Variants in MALRD1 observed in about 807,000 individuals in gnomAD.
The protein encoded by MALRD1 is MAM and LDL receptor class A domain containing 1, also known as MAM and LDL-receptor class A domain-containing protein 1.
Under a neutral mutation model 242.1 loss-of-function variants are expected in MALRD1, and 247 were observed. The ratio of observed to expected loss-of-function variants is 1.02; its 90% confidence interval spans 0.92 to 1.13. The LOEUF (loss-of-function observed/expected upper bound fraction) is 1.13. Among genes scored for constraint, MALRD1 ranks in the 50% most tolerant of loss-of-function variants. MALRD1 has a pLI of 0.00. For missense variants in MALRD1, 2,989 were observed against 2,533.1 expected (o/e 1.18, Z -3.86); for synonymous variants, 995 against 866.6 (o/e 1.15, Z -2.60).
At chr10:19,359,278 G>T (rs1250558300) in intron 26 of MALRD1, among the ~76,000 whole-genome samples, 3 of 152,052 alleles carry the variant, frequency 2.0e-5, no homozygotes, top group Non-Finnish European at 4.4e-5. Context: ...TTCACAGAAT[G>T]CCTCTTTTTG....
chr10:19,510,836 A>G (rs1353070220), intron 31 of MALRD1, among the ~76,000 whole-genome samples: 1 of 152,186 alleles, frequency 6.6e-6, no homozygotes, highest in Admixed American at 6.5e-5. Flanking sequence ...ATAAACCAGA[A>G]GTGGAATCTA....
At chr10:19,498,727 G>T (rs1837835484) in intron 31 of MALRD1, 81 bp downstream of exon 31, 2 of 1,456,020 alleles carry the variant, frequency 1.4e-6, no homozygotes, top group Non-Finnish European at 1.8e-6. Flanking sequence ...ATTTCAGTGT[G>T]CATTTCTTAT....
intron 28 of MALRD1, among the ~76,000 whole-genome samples, chr10:19,441,848 G>GT (rs1246805908): frequency 2.0e-5 from 3 of 151,984 alleles, no homozygotes; most frequent in Admixed American, 6.6e-5. Flanking sequence ...CTTTAAAGTA[G>GT]TTTTTTTCCA....
intron 36 of MALRD1, among the ~76,000 whole-genome samples, chr10:19,628,283 C>T (rs1839761762): frequency 6.6e-6 from 1 of 152,074 alleles, no homozygotes; most frequent in Non-Finnish European, 1.5e-5. Flanking sequence ...TATACACGTT[C>T]CTTAATTCAA....
chr10:19,410,283 A>T lies in MALRD1; in HGVS notation c.4845+20674A>T, dbSNP rs186428283. Among the ~76,000 whole-genome samples, 273 of 152,306 alleles carry T rather than the reference A, an allele frequency of 1.8e-3. 1 individual carries two copies. The highest frequency in any genetic ancestry group is 6.1e-3 in the Admixed American group (94 of 15,288). On this transcript the variant is annotated intron_variant, in intron 28 of 39. Coordinates refer to ENST00000454679, the MANE Select transcript of MALRD1 (RefSeq NM_001142308.3). Reference sequence around the variant, plus strand: ...ATTTAAGCTAGATTTAGTATGATAAATAGTTTTTGATATCTCACGCCCAAG... The same window carrying T: ...ATTTAAGCTAGATTTAGTATGATAATTAGTTTTTGATATCTCACGCCCAAG...
intron 18 of MALRD1, 107 bp from the exon 19 acceptor site, chr10:19,257,577 G>A (rs1223723384): frequency 1.2e-5 from 10 of 859,864 alleles, no homozygotes; most frequent in African/African-American, 1.7e-5. Context: ...TGGCACAGAA[G>A]GTTATATTTG....
chr10:19,055,889 G>A (rs1196085812), intron 1 of MALRD1, among the ~76,000 whole-genome samples: 1 of 152,120 alleles, frequency 6.6e-6, no homozygotes, highest in African/African-American at 2.4e-5. Flanking sequence ...ACCACCTATT[G>A]CGTACTATTC....
chr10:19,096,398 A>T (rs1370004633), intron 4 of MALRD1, among the ~76,000 whole-genome samples: 1 of 152,194 alleles, frequency 6.6e-6, no homozygotes, highest in Non-Finnish European at 1.5e-5. Context: ...TATTAATTTT[A>T]TATCCCAAAA....
chr10:19,440,398 G>C (rs1227916946), intron 28 of MALRD1, among the ~76,000 whole-genome samples: 1 of 151,812 alleles, frequency 6.6e-6, no homozygotes, highest in African/African-American at 2.4e-5. Context: ...ACAACATACA[G>C]GTGTGTTACA....
At chr10:19,300,129 A>G (rs1475475422) in intron 21 of MALRD1, among the ~76,000 whole-genome samples, 5 of 151,980 alleles carry the variant, frequency 3.3e-5, no homozygotes, top group Non-Finnish European at 7.4e-5. Flanking sequence ...ACAGCCACAA[A>G]ATGAACAAGA....
At chr10:19,138,314 G>A (rs1260541807) in intron 10 of MALRD1, among the ~76,000 whole-genome samples, 1 of 152,016 alleles carries the variant, frequency 6.6e-6, no homozygotes, top group East Asian at 1.9e-4. Context: ...ATTTTTTACA[G>A]ACAATTTGCT....
intron 28 of MALRD1, among the ~76,000 whole-genome samples, chr10:19,444,324 G>T (rs1452402888): frequency 6.6e-6 from 1 of 152,070 alleles, no homozygotes; most frequent in Non-Finnish European, 1.5e-5. Flanking sequence ...GGTTAATATT[G>T]TTATGTGTGA....
At chr10:19,530,282 T>A (rs867410424) in intron 31 of MALRD1, among the ~76,000 whole-genome samples, 50 of 134,754 alleles carry the variant, frequency 3.7e-4, no homozygotes, top group Middle Eastern at 3.4e-3. Flanking sequence ...TTCATTTTTG[T>A]CATCTATATT....
intron 33 of MALRD1, among the ~76,000 whole-genome samples, chr10:19,594,927 C>T (rs1327666794): frequency 6.6e-6 from 1 of 152,050 alleles, no homozygotes; most frequent in African/African-American, 2.4e-5. Flanking sequence ...TCAGAAATCA[C>T]CACTAAAGAA....
intron 35 of MALRD1, among the ~76,000 whole-genome samples, chr10:19,610,787 A>G (rs1223852191): frequency 6.6e-6 from 1 of 152,016 alleles, no homozygotes; most frequent in Non-Finnish European, 1.5e-5. Context: ...TATTAACTCA[A>G]GTAAGTTATA....
chr10:19,345,000 G>T (rs1021090566), intron 24 of MALRD1, among the ~76,000 whole-genome samples: 1 of 152,082 alleles, frequency 6.6e-6, no homozygotes, highest in African/African-American at 2.4e-5. Flanking sequence ...CAAATGCCAG[G>T]AATTGGCATC....
intron 19 of MALRD1, among the ~76,000 whole-genome samples, chr10:19,270,306 G>GTC (rs1180654413): frequency 2.0e-4 from 28 of 142,178 alleles, no homozygotes; most frequent in African/African-American, 7.4e-4. Context: ...CAGTGAGACT[G>GTC]TCTCTCTCTC....
intron 18 of MALRD1, among the ~76,000 whole-genome samples, chr10:19,247,696 A>C (rs1464591289): frequency 6.6e-6 from 1 of 152,076 alleles, no homozygotes; most frequent in African/African-American, 2.4e-5. Flanking sequence ...TTTTATTTTC[A>C]AGGAAGTCAA....
intron 29 of MALRD1, among the ~76,000 whole-genome samples, chr10:19,450,767 G>T (rs1182608595): frequency 6.6e-6 from 1 of 152,168 alleles, no homozygotes; most frequent in Admixed American, 6.5e-5. Context: ...GGAAGTCCAA[G>T]ATCAAGACAG....
Sources: allele counts gnomAD v4.1 joint callset (sites outside exome capture counted in the v4.1 genomes callset), GRCh38; gene constraint gnomAD v4.1.1; transcripts MANE v1.5; gene names NCBI Gene and HGNC (gene_info 2026-07-23, HGNC 2026-07-21).